RAB3IL1: variants seen among roughly 807,000 people sequenced by gnomAD.
RAB3IL1 encodes the protein RAB3A interacting protein like 1.
RAB3IL1 carries 37 observed loss-of-function variants against 49.2 expected under a neutral mutation model. That is an observed-to-expected ratio of 0.75 (90% CI 0.58 to 0.99). The LOEUF (loss-of-function observed/expected upper bound fraction) is 0.99. Among genes scored for constraint, RAB3IL1 ranks in the 50% least tolerant of loss-of-function variants. The pLI, the probability that RAB3IL1 is intolerant of heterozygous loss-of-function variation, is 0.00. For synonymous variants in RAB3IL1, 193 were observed against 213.9 expected (o/e 0.90, Z 0.85); for missense variants, 484 against 513.0 (o/e 0.94, Z 0.55).
chr11:61,923,579 C>CT (rs1362499609), upstream of RAB3IL1, among the ~76,000 whole-genome samples: 1 of 152,302 alleles, frequency 6.6e-6, no homozygotes, highest in African/African-American at 2.4e-5. Context: ...CAGAGGGGCC[C>CT]TGGGTAAGCC....
chr11:61,945,626 G>A, the RAB3IL1 span: 1 of 399,976 alleles, frequency 2.5e-6, no homozygotes, highest in South Asian at 1.0e-4. Context: ...CACTGGGTGT[G>A]AACCTTTGAC....
chr11:61,921,335 C>T (rs1178021399), upstream of RAB3IL1, among the ~76,000 whole-genome samples: 4 of 152,196 alleles, frequency 2.6e-5, no homozygotes, highest in Admixed American at 6.5e-5. Context: ...GCACGTTAGC[C>T]TCTCCGTGCC....
chr11:61,924,540 G>T (rs554825442), upstream of RAB3IL1, among the ~76,000 whole-genome samples: 1 of 152,010 alleles, frequency 6.6e-6, no homozygotes, highest in African/African-American at 2.4e-5. Context: ...GCCCCTCAGC[G>T]CCCCCACGAA....
chr11:61,935,099 A>G, the RAB3IL1 span, among the ~76,000 whole-genome samples: 1 of 152,208 alleles, frequency 6.6e-6, no homozygotes, highest in Non-Finnish European at 1.5e-5. Context: ...AAGAAACAAG[A>G]GAGCATAGTT....
chr11:61,908,007 C>T, intron 2 of RAB3IL1, 47 bp downstream of exon 2: 1 of 1,563,668 alleles, frequency 6.4e-7, no homozygotes, highest in South Asian at 1.2e-5. Flanking sequence ...CTCTCCCAAC[C>T]TGACTTCTCC....
chr11:61,925,209 C>A (rs753953060), upstream of RAB3IL1, among the ~76,000 whole-genome samples: 4 of 152,186 alleles, frequency 2.6e-5, no homozygotes, highest in Non-Finnish European at 5.9e-5. Context: ...TAAAGGAACT[C>A]AGATTTTAAC....
In RAB3IL1 at chr11:61,907,430, G is replaced by T. The variant is rs372993155; in HGVS notation, c.401C>A (p.Ala134Glu). 3 of 1,614,102 alleles carry T rather than the reference G, an allele frequency of 1.9e-6. No individual in the cohort carries two copies. The highest frequency in any genetic ancestry group is 2.5e-6 in the Non-Finnish European group (3 of 1,180,006). ...KMVREANMKQ[A>E]ASEKQLKEAR... ...CTCCTTCAGCTGCTTTTCTGATGCC[G>T]CCTGCTTCATGTTGGCTTCTCGAAC... Residue 134 changes from alanine to glutamate, a missense_variant, in exon 4 of 10, where the codon GCG (alanine) becomes GAG (glutamate). Ala to Glu is a moderately radical substitution (Grantham distance 107). Coordinates refer to ENST00000394836, the MANE Select transcript of RAB3IL1 (RefSeq NM_013401.4).
upstream of RAB3IL1, among the ~76,000 whole-genome samples, chr11:61,918,450 T>A (rs1483469157): frequency 6.6e-6 from 1 of 152,258 alleles, no homozygotes; most frequent in Non-Finnish European, 1.5e-5. Flanking sequence ...GCCCACTGAC[T>A]CAGGCCGCAG....
At chr11:61,945,350 C>G in the RAB3IL1 span, among the ~76,000 whole-genome samples, 1 of 152,300 alleles carries the variant, frequency 6.6e-6, no homozygotes, top group African/African-American at 2.4e-5. Flanking sequence ...TTCTTTCCCT[C>G]TCACAGTGGC....
chr11:61,943,559 A>C, the RAB3IL1 span, among the ~76,000 whole-genome samples: 1 of 152,204 alleles, frequency 6.6e-6, no homozygotes, highest in Non-Finnish European at 1.5e-5. Context: ...AAATATTTGT[A>C]AATCACGTGC....
the RAB3IL1 span, among the ~76,000 whole-genome samples, chr11:61,926,833 G>A: frequency 6.6e-6 from 1 of 151,808 alleles, no homozygotes; most frequent in Non-Finnish European, 1.5e-5. Flanking sequence ...AATTGTAGAT[G>A]TGAGCCACAC....
the RAB3IL1 span, among the ~76,000 whole-genome samples, chr11:61,940,014 C>A: frequency 2.0e-5 from 3 of 151,342 alleles, no homozygotes; most frequent in Admixed American, 1.3e-4. Context: ...CATGGTGTCT[C>A]GTGCCTGTAG....
the RAB3IL1 span, among the ~76,000 whole-genome samples, chr11:61,944,220 C>CTCCTTCCCTCCTTCCTTCCT: frequency 1.1e-3 from 42 of 37,068 alleles, no homozygotes; most frequent in African/African-American, 2.0e-3. Flanking sequence ...CCTTCCTTCC[C>CTCCTTCCCTCCTTCCTTCCT]TCCTTCCTTC....
intron 1 of RAB3IL1, among the ~76,000 whole-genome samples, chr11:61,914,628 T>C: frequency 6.6e-6 from 1 of 152,100 alleles, no homozygotes; most frequent in South Asian, 2.1e-4. Flanking sequence ...TCAGGGCCCA[T>C]GCTCAGGAGT....
In RAB3IL1 at chr11:61,904,569, G is replaced by C; in HGVS notation, c.876C>G (p.Ala292=). ...ACTTGGTGCTGCTACAGTCAACCTC[G>C]GCCACCTTCACTGTGGGCAGCGTCT... ...ASQTLPTVKV[A]EVDCSSTNTC... The change falls in exon 7 of 10, where the codon GCC becomes GCG. Residue 292 remains alanine (A), a synonymous_variant. Coordinates refer to ENST00000394836, the MANE Select transcript of RAB3IL1 (RefSeq NM_013401.4). 8 of 1,612,514 alleles carry C rather than the reference G, an allele frequency of 5.0e-6. No homozygotes were observed. Among genetic ancestry groups the C allele is most frequent in the Non-Finnish European group, 6.8e-6 (8 of 1,179,446 alleles).
In RAB3IL1 at chr11:61,912,524, A is replaced by G. The variant is rs765980356; in HGVS notation, c.12-4218T>C. 7.3e-4 allele frequency among the ~76,000 whole-genome samples: 111 copies of G among 152,190 alleles called. 1 individual carries two copies. Among genetic ancestry groups the G allele is most frequent in the Non-Finnish European group, 9.7e-4 (66 of 68,024 alleles). On this transcript the variant is annotated intron_variant, in intron 1 of 9. Transcript: ENST00000394836. ...CATCCACGCCAGCCCACCACTCCACAGGTGTCATGGCCTGGAAGCTCGGGA... is the reference window on the plus strand; with the variant it reads ...CATCCACGCCAGCCCACCACTCCACGGGTGTCATGGCCTGGAAGCTCGGGA...
intron 5 of RAB3IL1, among the ~76,000 whole-genome samples, chr11:61,905,533 C>A (rs537169022): frequency 1.3e-5 from 2 of 152,020 alleles, no homozygotes; most frequent in Admixed American, 6.5e-5. Flanking sequence ...GGGGCCAGCC[C>A]GGGCTGGGCC....
chr11:61,907,422 C>T lies in RAB3IL1; in HGVS notation c.409G>A (p.Glu137Lys). Residue 137 changes from glutamate (E) to lysine (K), a missense_variant, in exon 4 of 10, where the codon GAA (glutamate) becomes AAA (lysine). Coordinates refer to ENST00000394836, the MANE Select transcript of RAB3IL1 (RefSeq NM_013401.4). ...CCCCGAGCCTCCTTCAGCTGCTTTT[C>T]TGATGCCGCCTGCTTCATGTTGGCT... ...REANMKQAAS[E>K]KQLKEARGKI... 5 of 1,614,174 alleles carry T rather than the reference C, an allele frequency of 3.1e-6. No homozygotes were observed. Among genetic ancestry groups the T allele is most frequent in the Non-Finnish European group, 4.2e-6 (5 of 1,180,040 alleles).
intron 1 of RAB3IL1, among the ~76,000 whole-genome samples, chr11:61,915,951 T>C (rs916163096): frequency 6.7e-6 from 1 of 149,792 alleles, no homozygotes; most frequent in Admixed American, 6.7e-5. Flanking sequence ...GGCAGGAGAC[T>C]GGTGTGAACC....
Sources: gnomAD v4.1 joint callset for allele counts (sites outside exome capture counted in the v4.1 genomes callset) on GRCh38, gnomAD v4.1.1 for gene constraint, MANE v1.5 for transcripts, NCBI Gene and HGNC (gene_info 2026-07-23, HGNC 2026-07-21) for gene names.